The following ZNF71 variants were observed in gnomAD, a reference collection of about 807,000 sequenced individuals.
ZNF71 encodes zinc finger protein 71, also known as endothelial zinc finger protein induced by tumor necrosis factor alpha.
In ZNF71, 3 loss-of-function variants were observed where a neutral mutation model predicts 6.7. That is an observed-to-expected ratio of 0.45 (90% confidence interval 0.20 to 1.16). The LOEUF (loss-of-function observed/expected upper bound fraction) is 1.16, where lower values mean the gene tolerates loss of function less well. Among genes scored for constraint, ZNF71 ranks in the 50% most tolerant of loss-of-function variants. The pLI, the probability that ZNF71 is intolerant of heterozygous loss-of-function variation, is 0.25. For synonymous variants in ZNF71, 343 were observed against 311.1 expected (o/e 1.10, Z -1.08); for missense variants, 688 against 728.6 (o/e 0.94, Z 0.64).
Position 56,622,891 on chromosome 19 carries a change from T to G in ZNF71, c.*134T>G. 3.3e-6 allele frequency: 4 copies of G among 1,199,632 alleles called. No homozygotes were observed. Among genetic ancestry groups the G allele is most frequent in the South Asian group, 3.2e-5 (2 of 62,780 alleles). The allele number at this position is 1,199,632 out of a possible 1,614,324, so 74.3% of individuals were successfully genotyped here. A position where few individuals can be genotyped will look rare whatever the true frequency, so the allele number is the denominator to read the frequency against. On this transcript the variant is annotated 3_prime_UTR_variant, in exon 4 of 4. Transcript: ENST00000599599. ...GTCAGGGGAGCTCAGGAATGTGGGG[T>G]TGTGGAGGGGCTGGCTGATCACACA...
intron 1 of ZNF71, among the ~76,000 whole-genome samples, chr19:56,596,146 G>A (rs1264094868): frequency 1.3e-5 from 2 of 152,036 alleles, no homozygotes; most frequent in Non-Finnish European, 2.9e-5. Flanking sequence ...CTGTCCATGA[G>A]TGTCTCTGTG....
At position 56,622,035 on chromosome 19, in the gene ZNF71, G is replaced by T; in HGVS notation, c.928G>T (p.Ala310Ser). ...CTACGCGTGCGGGGACTGCGGCAAG[G>T]CCTTCAGCCAGAACATGCACCTCAT... ...KPYACGDCGK[A>S]FSQNMHLIVH... is the part of the protein sequence containing the mutation. The change falls in exon 4 of 4, where the codon GCC becomes TCC. Residue 310 changes from alanine (A) to serine (S), a missense_variant. Physicochemically the swap from Ala to Ser is moderately conservative, Grantham distance 99. Transcript: ENST00000599599. 6.2e-7 allele frequency: 1 copy of T among 1,612,782 alleles called. No individual in the cohort carries two copies. Among genetic ancestry groups the T allele is most frequent in the South Asian group, 1.1e-5 (1 of 90,928 alleles).
chr19:56,617,286 T>A (rs954629940), intron 3 of ZNF71, among the ~76,000 whole-genome samples: 3 of 152,092 alleles, frequency 2.0e-5, no homozygotes, highest in Admixed American at 6.6e-5. Context: ...AATTCTTGTA[T>A]TTTTAGTAGA....
intron 3 of ZNF71, among the ~76,000 whole-genome samples, chr19:56,616,849 G>A (rs2044796307): frequency 6.6e-6 from 1 of 152,170 alleles, no homozygotes; most frequent in African/African-American, 2.4e-5. Flanking sequence ...AGCTGGGGCA[G>A]TTGTAGGACC....
chr19:56,620,523 A>ATATT (rs747478996), intron 3 of ZNF71, among the ~76,000 whole-genome samples: 30 of 151,786 alleles, frequency 2.0e-4, no homozygotes, highest in Non-Finnish European at 3.5e-4. Flanking sequence ...TCTTTTTTCA[A>ATATT]TATTTATTTA....
rs2044851214 is a variant in ZNF71 at position 56,621,688 on chromosome 19, A to T, written c.581A>T (p.Glu194Val). The change falls in exon 4 of 4, where the codon GAG becomes GTG. Residue 194 changes from glutamate (E) to valine (V), a missense_variant. Physicochemically the swap from Glu to Val is moderately radical, Grantham distance 121. Transcript: ENST00000599599. ...CEEKKTYDCS[E>V]CGKAFSRSSS... ...GAGAAGAAAACCTACGACTGCAGCG[A>T]GTGTGGCAAGGCCTTTAGCCGAAGC... The T allele has an allele frequency of 6.2e-7, 1 of 1,614,022 alleles. No individual in the cohort carries two copies. Among genetic ancestry groups the T allele is most frequent in the South Asian group, 1.1e-5 (1 of 91,092 alleles).
At position 56,611,069 on chromosome 19, in the gene ZNF71, G is replaced by A. The variant is rs77584866; in HGVS notation, c.34-2743G>A. Among the ~76,000 whole-genome samples, 5 of 152,276 alleles carry A rather than the reference G, an allele frequency of 3.3e-5. No individual in the cohort carries two copies. The East Asian group carries it at 9.7e-4, about 29-fold the overall frequency. On this transcript the variant is annotated intron_variant, in intron 2 of 3. Transcript: ENST00000599599. ...TTAGATTCTGTCCCTCTCCTGCTCA[G>A]ACCTTCCAAAGAATGAATAAGAAGG...
intron 3 of ZNF71, among the ~76,000 whole-genome samples, chr19:56,619,798 G>A (rs1342928090): frequency 6.6e-6 from 1 of 152,170 alleles, no homozygotes; most frequent in Non-Finnish European, 1.5e-5. Flanking sequence ...ATAAGAATGA[G>A]GCTCCACGTG....
rs549365252 is a variant in ZNF71 at position 56,624,426 on chromosome 19, G to T, written c.*1669G>T. 6.6e-6 allele frequency: 1 copy of T among 152,322 alleles called. No individual in the cohort carries two copies. The highest frequency in any genetic ancestry group is 1.9e-4 in the East Asian group (1 of 5,184). The allele number at this position is 152,322 out of a possible 1,614,324, so 9.4% of individuals were successfully genotyped here. On this transcript the variant is annotated 3_prime_UTR_variant, in exon 4 of 4. Transcript: ENST00000599599. ...GTGGTGGTTTCCAGCAGCGAGTCTT[G>T]ATCAGACATTGCTTTAGTTGCATCT...
intron 2 of ZNF71, among the ~76,000 whole-genome samples, chr19:56,607,562 CT>C (rs2044719439): frequency 6.6e-6 from 1 of 152,282 alleles, no homozygotes; most frequent in African/African-American, 2.4e-5. Flanking sequence ...AAACTGAAGC[CT>C]GCAGAGGTTA....
chr19:56,609,661 GTA>G (rs1394768595), intron 2 of ZNF71, among the ~76,000 whole-genome samples: 4 of 141,314 alleles, frequency 2.8e-5, no homozygotes, highest in African/African-American at 1.3e-4. Flanking sequence ...TCTGGACATT[GTA>G]CATAAATGAG....
At chr19:56,595,919 C>T (rs1002858688) in intron 1 of ZNF71, among the ~76,000 whole-genome samples, 1 of 144,590 alleles carries the variant, frequency 6.9e-6, no homozygotes, top group African/African-American at 2.6e-5. Flanking sequence ...GCGTGTCGTC[C>T]AGAGGCTGGG....
intron 3 of ZNF71, among the ~76,000 whole-genome samples, chr19:56,614,368 A>G (rs898839894): frequency 3.9e-5 from 6 of 152,242 alleles, no homozygotes; most frequent in East Asian, 1.9e-4. Context: ...TGTAGAGGAA[A>G]GGACTCTCAT....
chr19:56,608,749 G>A (rs907662760), intron 2 of ZNF71, among the ~76,000 whole-genome samples: 1 of 152,100 alleles, frequency 6.6e-6, no homozygotes, highest in East Asian at 1.9e-4. Context: ...CATAAAACAT[G>A]AAAATATTCA....
In ZNF71 at chr19:56,613,099, G is replaced by C. The variant is rs2044764210; in HGVS notation, c.34-713G>C. 6.6e-6 allele frequency among the ~76,000 whole-genome samples: 1 copy of C among 152,142 alleles called. No homozygotes were observed. Among genetic ancestry groups the C allele is most frequent in the Non-Finnish European group, 1.5e-5 (1 of 68,032 alleles). ...AGGTTCTTTCAGTCCACAGGCTTGT[G>C]ACATCTACCACAAAGTGCTGCTCCT... On this transcript the variant is annotated intron_variant, in intron 2 of 3. Transcript: ENST00000599599. This position sits in a 1 kb window ranked among gnomAD's most constrained non-coding sequence, Gnocchi z 4.6.
rs2044643501 is a variant in ZNF71 at position 56,598,584 on chromosome 19, C to T, written c.-52-2923C>T. On this transcript the variant is annotated intron_variant, in intron 1 of 3. Transcript: ENST00000599599. The surrounding 1 kb of genome is among the most constrained non-coding windows in gnomAD (Gnocchi z 4.2). ...CTACAACAGGGCTTCTCAACCTCCA[C>T]ACTACTGACCTTTGGGCCTGATCAT... 6.6e-6 allele frequency among the ~76,000 whole-genome samples: 1 copy of T among 152,208 alleles called. No individual in the cohort carries two copies. The highest frequency in any genetic ancestry group is 1.5e-5 in the Non-Finnish European group (1 of 68,036).
At chr19:56,597,026 T>C (rs2044631163) in intron 1 of ZNF71, among the ~76,000 whole-genome samples, 1 of 152,204 alleles carries the variant, frequency 6.6e-6, no homozygotes, top group Non-Finnish European at 1.5e-5. Flanking sequence ...TTAAGGGTAC[T>C]TTGCCTTCAT....
At chr19:56,595,899 GAGAGAAAC>G (rs1263774902) in intron 1 of ZNF71, among the ~76,000 whole-genome samples, 1 of 148,834 alleles carries the variant, frequency 6.7e-6, no homozygotes, top group Non-Finnish European at 1.5e-5. Context: ...ATGAGACAGA[GAGAGAAAC>G]TGCGTGTCGT....
chr19:56,609,457 C>T (rs1334116484), intron 2 of ZNF71, among the ~76,000 whole-genome samples: 1 of 152,140 alleles, frequency 6.6e-6, no homozygotes, highest in African/African-American at 2.4e-5. Context: ...TTCTCTCCAA[C>T]CCACCCTCAC....
Sources: gnomAD v4.1 joint callset for allele counts (sites outside exome capture counted in the v4.1 genomes callset) on GRCh38, gnomAD v4.1.1 for gene constraint, Gnocchi (gnomAD v3.1) non-coding constraint, MANE v1.5 for transcripts, NCBI Gene and HGNC (gene_info 2026-07-23, HGNC 2026-07-21) for gene names.